The following ERC2 variants were observed in gnomAD, a reference collection of about 807,000 sequenced individuals.
The protein encoded by ERC2 is ELKS/RAB6-interacting/CAST family member 2, also known as ERC protein 2.
ERC2 carries 42 observed loss-of-function variants against 114.8 expected under a neutral mutation model. The observed-to-expected ratio is 0.37, with a 90% CI of 0.29 to 0.47. The LOEUF is 0.47. ERC2 is among the 20% of genes least tolerant of loss of function. ERC2 has a pLI of 0.99. For missense variants in ERC2, 939 were observed against 1,150.7 expected (o/e 0.82, Z 2.66); for synonymous variants, 454 against 425.5 (o/e 1.07, Z -0.82).
At chr3:55,696,746 T>C (rs1234797641) in intron 16 of ERC2, among the ~76,000 whole-genome samples, 1 of 152,202 alleles carries the variant, frequency 6.6e-6, no homozygotes, top group Non-Finnish European at 1.5e-5. Flanking sequence ...ATCTCCAGTA[T>C]AGGACAAGGT....
intron 4 of ERC2, among the ~76,000 whole-genome samples, chr3:56,155,124 T>G (rs2081625250): frequency 6.6e-6 from 1 of 152,218 alleles, no homozygotes; most frequent in African/African-American, 2.4e-5. Context: ...TATTACTTTT[T>G]TGGTCTGCCC....
intron 3 of ERC2, among the ~76,000 whole-genome samples, chr3:56,176,813 C>T (rs765586308): frequency 2.6e-5 from 4 of 152,200 alleles, no homozygotes; most frequent in African/African-American, 4.8e-5. Context: ...TGCTCCTCTT[C>T]CATACAATAG....
chr3:55,863,645 T>C (rs2062121639), intron 14 of ERC2, among the ~76,000 whole-genome samples: 1 of 152,166 alleles, frequency 6.6e-6, no homozygotes, highest in East Asian at 1.9e-4. Flanking sequence ...AAACCTTCTC[T>C]GTCTGTAGCA....
chr3:55,771,631 G>T (rs1358581637), intron 14 of ERC2, among the ~76,000 whole-genome samples: 1 of 152,218 alleles, frequency 6.6e-6, no homozygotes, highest in Non-Finnish European at 1.5e-5. Context: ...CTGGCTGACT[G>T]CAGGCACAAA....
intron 13 of ERC2, among the ~76,000 whole-genome samples, chr3:55,926,414 T>TAAAA (rs148370132): frequency 0.014 from 1,008 of 73,156 alleles, 8 homozygotes; most frequent in African/African-American, 0.031. Flanking sequence ...TTTTTTGTTT[T>TAAAA]TAAAAAAAAA....
intron 14 of ERC2, among the ~76,000 whole-genome samples, chr3:55,796,053 G>A (rs1325572541): frequency 1.3e-5 from 2 of 152,214 alleles, no homozygotes; most frequent in Admixed American, 1.3e-4. Context: ...TCTTTGGTGA[G>A]CAACAGTGAG....
intron 1 of ERC2, among the ~76,000 whole-genome samples, chr3:56,435,772 C>A (rs1423826527): frequency 6.6e-6 from 1 of 152,214 alleles, no homozygotes; most frequent in Non-Finnish European, 1.5e-5. Flanking sequence ...TACTGGCTAT[C>A]CTGGAGATAG....
chr3:56,188,438 A>G (rs2150062891), intron 3 of ERC2, among the ~76,000 whole-genome samples: 1 of 152,212 alleles, frequency 6.6e-6, no homozygotes, highest in Non-Finnish European at 1.5e-5. Flanking sequence ...TGTTCCCTAC[A>G]CACCCCCACG....
intron 15 of ERC2, among the ~76,000 whole-genome samples, chr3:55,708,629 A>T (rs902217581): frequency 4.6e-5 from 7 of 151,894 alleles, no homozygotes; most frequent in Non-Finnish European, 8.8e-5. Context: ...AAAACTCCAG[A>T]CTCTTCTACT....
chr3:55,953,837 A>G (rs2067747475), intron 12 of ERC2, among the ~76,000 whole-genome samples: 1 of 152,064 alleles, frequency 6.6e-6, no homozygotes, highest in Non-Finnish European at 1.5e-5. Context: ...GTAAGAATAA[A>G]ATCTATAAGT....
At chr3:56,079,332 T>C (rs1398575363) in intron 7 of ERC2, among the ~76,000 whole-genome samples, 1 of 152,176 alleles carries the variant, frequency 6.6e-6, no homozygotes, top group Non-Finnish European at 1.5e-5. Flanking sequence ...AAGGCCTTAA[T>C]CGCTACAAGT....
rs1163097659 is a variant in ERC2 at position 56,173,515 on chromosome 3, C to A, written c.1080G>T (p.Leu360Phe). The A allele has an allele frequency of 6.2e-7, 1 of 1,613,724 alleles. No homozygotes were observed. Among genetic ancestry groups the A allele is most frequent in the East Asian group, 2.2e-5 (1 of 44,874 alleles). The change falls in exon 4 of 18, where the codon TTG (leucine) becomes TTT (phenylalanine). Residue 360 changes from leucine to phenylalanine, a missense_variant. Transcript: ENST00000288221. Reference protein sequence around the residue: ...EKENIHLREELHRRSQLQPEP... With the variant: ...EKENIHLREEFHRRSQLQPEP... ...CCGGCTGAAGTTGGCTTCTTCGGTGCAATTCCTGGGGAGGAACACGATAGA... is the reference window on the plus strand; with the variant it reads ...CCGGCTGAAGTTGGCTTCTTCGGTGAAATTCCTGGGGAGGAACACGATAGA...
chr3:56,100,545 C>T (rs2078295582), intron 6 of ERC2, among the ~76,000 whole-genome samples: 1 of 152,200 alleles, frequency 6.6e-6, no homozygotes. Context: ...TAGAATAACC[C>T]TGCTGGGAAA....
intron 2 of ERC2, among the ~76,000 whole-genome samples, chr3:56,346,648 A>C (rs114661762): frequency 6.6e-6 from 1 of 152,202 alleles, no homozygotes; most frequent in Admixed American, 6.5e-5. Context: ...TGGGCTATAC[A>C]GTTTGTCAAC....
At chr3:56,178,773 G>T (rs1043369767) in intron 3 of ERC2, among the ~76,000 whole-genome samples, 3 of 151,920 alleles carry the variant, frequency 2.0e-5, no homozygotes, top group African/African-American at 4.8e-5. Context: ...CCAGATTCCA[G>T]TGGAGGAAAA....
chr3:56,003,279 T>C (rs2072223398), intron 10 of ERC2: 3 of 437,988 alleles, frequency 6.8e-6, no homozygotes, highest in South Asian at 6.5e-5. Flanking sequence ...TTCTAAACAT[T>C]CCACAGTGAA....
At chr3:56,257,449 C>T (rs960837415) in intron 3 of ERC2, among the ~76,000 whole-genome samples, 25 of 152,206 alleles carry the variant, frequency 1.6e-4, no homozygotes, top group African/African-American at 5.5e-4. Context: ...CAAACAGCCT[C>T]ATCCTTATCT....
intron 3 of ERC2, among the ~76,000 whole-genome samples, chr3:56,212,341 T>C (rs546257148): frequency 1.3e-5 from 2 of 151,968 alleles, no homozygotes; most frequent in Middle Eastern, 6.8e-3. Flanking sequence ...GGCCAACAAA[T>C]ACATGAAAAA....
intron 13 of ERC2, among the ~76,000 whole-genome samples, chr3:55,944,872 G>A (rs1049709752): frequency 5.3e-5 from 8 of 152,146 alleles, no homozygotes; most frequent in African/African-American, 1.7e-4. Flanking sequence ...AGTCCTACTC[G>A]TCAACATTCC....
Sources: allele counts gnomAD v4.1 joint callset (sites outside exome capture counted in the v4.1 genomes callset), GRCh38; gene constraint gnomAD v4.1.1; transcripts MANE v1.5; gene names NCBI Gene and HGNC (gene_info 2026-07-23, HGNC 2026-07-21).